The following CFAP65 variants were observed in gnomAD, a reference collection of about 807,000 sequenced individuals.
CFAP65 encodes cilia- and flagella-associated protein 65.
CFAP65 carries 155 observed loss-of-function variants against 208.0 expected under a neutral mutation model. That is an observed-to-expected ratio of 0.75 (90% CI 0.65 to 0.85). CFAP65 has a LOEUF of 0.85. Among genes scored for constraint, CFAP65 ranks in the 40% least tolerant of loss-of-function variants. The pLI is 0.00. For missense variants in CFAP65, 2,294 were observed against 2,451.3 expected, an observed-to-expected ratio of 0.94 and a Z score of 1.36; for synonymous variants, 970 against 986.3, an observed-to-expected ratio of 0.98 and a Z score of 0.31.
Position 219,038,985 on chromosome 2 carries a change from A to G in CFAP65, c.64T>C (p.Ser22Pro). 1 of 1,613,822 alleles carries G rather than the reference A, an allele frequency of 6.2e-7. No individual in the cohort carries two copies. The highest frequency in any genetic ancestry group is 2.2e-5 in the East Asian group (1 of 44,858). Residue 22 changes from serine (S) to proline (P), a missense_variant, in exon 3 of 35, where the codon TCA becomes CCA. Around this residue, in one of 2 missense-constraint regions of CFAP65, gnomAD observed 867 missense variants for 1,012.6 expected, o/e 0.86. Coordinates refer to ENST00000341552, the MANE Select transcript of CFAP65 (RefSeq NM_194302.4). ...KTQKVENPSV[S>P]FASSFPLIPL... ...ATAAGGGGGAAAGAAGAGGCAAATG[A>G]GACTGATGGATTCTCCACCTTCTGG... is the stretch of plus-strand genomic sequence containing the variant.
chr2:219,022,649 G>A (rs1231924908), intron 16 of CFAP65, among the ~76,000 whole-genome samples: 1 of 152,196 alleles, frequency 6.6e-6, no homozygotes, highest in Non-Finnish European at 1.5e-5. Context: ...AACTCCACAG[G>A]CTATGAGGCC....
chr2:219,008,961 G>A, intron 29 of CFAP65, 86 bp downstream of exon 29: 1 of 1,121,952 alleles, frequency 8.9e-7, no homozygotes, highest in East Asian at 2.4e-5. Flanking sequence ...TGGCCTGGAG[G>A]GCCACCTTGG....
chr2:219,004,235 C>G lies in CFAP65; in HGVS notation c.5272G>C (p.Gly1758Arg), dbSNP rs139026486. The change falls in exon 33 of 35, where the codon GGA (glycine) becomes CGA (arginine). Residue 1758 changes from glycine (G) to arginine (R), a missense_variant. Coordinates refer to ENST00000341552, the MANE Select transcript of CFAP65 (RefSeq NM_194302.4). The surrounding 1 kb of genome is among the most constrained non-coding windows in gnomAD (Gnocchi z 4.7). ...EDRPEHYPGL[G>R]KKEEGEEEKG... ...TCCTCCTCCCCCTCTTCCTTCTTTC[C>G]CAACCCTGGATAGTGCTCTGGTCTG... The G allele has an allele frequency of 3.1e-6, 5 of 1,613,880 alleles. No homozygotes were observed. The highest frequency in any genetic ancestry group is 1.7e-5 in the Admixed American group (1 of 59,988).
intron 15 of CFAP65, 79 bp downstream of exon 15, chr2:219,023,936 C>T: frequency 6.5e-7 from 1 of 1,527,438 alleles, no homozygotes; most frequent in Non-Finnish European, 8.8e-7. Flanking sequence ...GGGCCAACCC[C>T]AGAATATGGC....
At position 219,006,025 on chromosome 2, in the gene CFAP65, G is replaced by A. The variant is rs574569223; in HGVS notation, c.4918C>T (p.His1640Tyr). ...CCTGCCTTCCCAAGAGCTTACCGGT[G>A]CAAAAAGTGGCAGGGAAACTCTGAG... ...FFSEFPCHFLHRELPKRKAPR... is the reference protein window; with the variant it reads ...FFSEFPCHFLYRELPKRKAPR... The change falls in exon 31 of 35, where the codon CAC becomes TAC. Residue 1640 changes from histidine (H) to tyrosine (Y), a missense_variant. Coordinates refer to ENST00000341552, the MANE Select transcript of CFAP65 (RefSeq NM_194302.4). The A allele has an allele frequency of 2.4e-5, 39 of 1,613,272 alleles. No homozygotes were observed. In the East Asian group the frequency reaches 8.2e-4, roughly 34 times the overall value.
At position 219,031,390 on chromosome 2, in the gene CFAP65, G is replaced by A. The variant is rs1948018347; in HGVS notation, c.816-85C>T. The A allele has an allele frequency of 6.2e-7, 1 of 1,605,446 alleles. No individual in the cohort carries two copies. Among genetic ancestry groups the A allele is most frequent in the South Asian group, 1.1e-5 (1 of 90,130 alleles). On this transcript the variant is annotated intron_variant, in intron 7 of 34. Coordinates refer to ENST00000341552, the MANE Select transcript of CFAP65 (RefSeq NM_194302.4). This position sits in a 1 kb window ranked among gnomAD's most constrained non-coding sequence, Gnocchi z 5.2. ...GTCAGGGATGCTGGGCAGAACCTCA[G>A]ACTACCCTACCCCGACAAGGGTATG...
intron 14 of CFAP65, among the ~76,000 whole-genome samples, 164 bp from the exon 15 acceptor site, chr2:219,024,424 C>A (rs573150630): frequency 5.9e-5 from 8 of 134,618 alleles, no homozygotes; most frequent in African/African-American, 2.3e-4. Flanking sequence ...AAGGAGGCCA[C>A]GAGCTGACAC....
chr2:219,012,399 G>T (rs1946547900), intron 24 of CFAP65, among the ~76,000 whole-genome samples: 1 of 152,222 alleles, frequency 6.6e-6, no homozygotes, highest in Admixed American at 6.5e-5. Context: ...CACTGTCACA[G>T]ACCCTAGTGG....
At chr2:219,035,779 C>T in intron 4 of CFAP65, 115 bp from the exon 5 acceptor site, 1 of 1,472,152 alleles carries the variant, frequency 6.8e-7, no homozygotes, top group Non-Finnish European at 8.9e-7. Context: ...AAATAAAAGA[C>T]AAGAAGAAAA....
Position 219,032,469 on chromosome 2 carries a change from C to T in CFAP65, c.645+1G>A. Reference sequence around the variant, plus strand: ...CCCTCACTCGCTGTGGCAGACCTTACCGCCTCCAGAGGCCGGAAGACGATG... The same window carrying T: ...CCCTCACTCGCTGTGGCAGACCTTATCGCCTCCAGAGGCCGGAAGACGATG... On this transcript the variant is annotated splice_donor_variant, in intron 6 of 34. Transcript: ENST00000341552. LOFTEE classifies it high-confidence loss of function. The surrounding 1 kb of genome is among the most constrained non-coding windows in gnomAD (Gnocchi z 5.5). The T allele has an allele frequency of 1.9e-6, 3 of 1,583,078 alleles. No homozygotes were observed. Among genetic ancestry groups the T allele is most frequent in the Non-Finnish European group, 2.6e-6 (3 of 1,164,306 alleles).
intron 18 of CFAP65, 149 bp downstream of exon 18, chr2:219,021,631 G>T: frequency 1.1e-6 from 1 of 905,908 alleles, no homozygotes; most frequent in Non-Finnish European, 1.7e-6. Context: ...CTGCAGCGTG[G>T]AACTCCTGGG....
At chr2:219,037,778 G>C (rs1321117281) in intron 4 of CFAP65, among the ~76,000 whole-genome samples, 2 of 152,144 alleles carry the variant, frequency 1.3e-5, no homozygotes, top group Non-Finnish European at 2.9e-5. Context: ...AGGGAGGCAA[G>C]GGCAGCACAC....
At position 219,028,411 on chromosome 2, in the gene CFAP65, T is replaced by G. The variant is rs1559150880; in HGVS notation, c.1651-10A>C. 6.2e-7 allele frequency: 1 copy of G among 1,611,894 alleles called. No homozygotes were observed. Among genetic ancestry groups the G allele is most frequent in the Non-Finnish European group, 8.5e-7 (1 of 1,179,650 alleles). On this transcript the variant is annotated splice_polypyrimidine_tract_variant and intron_variant, in intron 11 of 34. Coordinates refer to ENST00000341552, the MANE Select transcript of CFAP65 (RefSeq NM_194302.4). ...CCAGGAACAGTGGGTCCTGTGACAT[T>G]TGTCTGTGTGTGGTGGGGCATGGGA...
At chr2:219,026,812 T>C (rs544923005) in intron 13 of CFAP65, 1 of 986,120 alleles carries the variant, frequency 1.0e-6, no homozygotes, top group African/African-American at 1.7e-5. Flanking sequence ...AGGCTGAACC[T>C]CAGCAGAGCC....
chr2:219,031,275 G>T lies in CFAP65; in HGVS notation c.846C>A (p.Phe282Leu), dbSNP rs1948008575. 1 of 1,613,946 alleles carries T rather than the reference G, an allele frequency of 6.2e-7. No homozygotes were observed. Among genetic ancestry groups the T allele is most frequent in the Non-Finnish European group, 8.5e-7 (1 of 1,179,928 alleles). Residue 282 changes from phenylalanine to leucine, a missense_variant, in exon 8 of 35, where the codon TTC becomes TTA. Physicochemically the swap from Phe to Leu is conservative, Grantham distance 22. This residue lies in a region of CFAP65 where 867 missense variants were observed against 1,012.6 expected (regional missense o/e 0.86). Transcript: ENST00000341552. This position sits in a 1 kb window ranked among gnomAD's most constrained non-coding sequence, Gnocchi z 5.2. ...CGGGCAGCATCTGGAATGGGCTGGA[G>T]AACTCCCAGGTGAAGAAGGTGGGCA... ...GDLPTFFTWE[F>L]SSPFQMLPAT...
chr2:219,030,822 TGG>T lies in CFAP65; in HGVS notation c.1026_1027del (p.Gln343AlafsTer52), dbSNP rs749162130. On this transcript the variant is annotated frameshift_variant, in exon 9 of 35. Transcript: ENST00000341552. LOFTEE classifies it high-confidence loss of function. ...CTTGTGCTTTATGCTCACCAGCAGC[TGG>T]GCGCACTTGGCTGGGGCAGAGATGG... 1.9e-6 allele frequency: 3 copies of T among 1,613,710 alleles called. No individual in the cohort carries two copies. The African/African-American group carries it at 4.0e-5, about 22-fold the overall frequency.
intron 29 of CFAP65, among the ~76,000 whole-genome samples, chr2:219,006,927 A>G (rs1194849507): frequency 1.3e-5 from 2 of 151,364 alleles, no homozygotes; most frequent in Admixed American, 1.3e-4. Context: ...ATTCCCAGTC[A>G]CATTTTCCTC....
intron 2 of CFAP65, 115 bp downstream of exon 2, chr2:219,040,404 T>C (rs1948597557): frequency 5.5e-6 from 4 of 722,468 alleles, no homozygotes; most frequent in Non-Finnish European, 1.0e-5. Context: ...TGGCAACATG[T>C]CTAAACCCTC....
intron 10 of CFAP65, 140 bp from the exon 11 acceptor site, chr2:219,029,808 C>G (rs1167408586): frequency 8.4e-7 from 1 of 1,195,720 alleles, no homozygotes; most frequent in East Asian, 2.5e-5. Flanking sequence ...CACTGGATGC[C>G]AGTGGGACTG....
Sources: allele counts gnomAD v4.1 joint callset (sites outside exome capture counted in the v4.1 genomes callset), GRCh38; gene constraint gnomAD v4.1.1; regional missense constraint gnomAD v4.1.1; non-coding constraint Gnocchi (gnomAD v3.1); transcripts MANE v1.5; gene names NCBI Gene and HGNC (gene_info 2026-07-23, HGNC 2026-07-21).